PPT1: variants seen among roughly 807,000 people sequenced by gnomAD.
PPT1 encodes ceroid-palmitoyl-palmitoyl-protein thioesterase 1.
Under a neutral mutation model 44.0 loss-of-function variants are expected in PPT1, and 24 were observed. That is an observed-to-expected ratio of 0.54 (90% CI 0.39 to 0.77). The LOEUF (loss-of-function observed/expected upper bound fraction) is 0.77, where lower values mean the gene tolerates loss of function less well. Among genes scored for constraint, PPT1 ranks in the 30% least tolerant of loss-of-function variants. PPT1 has a pLI of 0.00. For missense variants in PPT1, 341 were observed against 378.8 expected, an observed-to-expected ratio of 0.90 and a Z score of 0.83; for synonymous variants, 148 against 140.2, an observed-to-expected ratio of 1.06 and a Z score of -0.39.
At chr1:40,093,234 C>T (rs1221490547) in intron 1 of PPT1, among the ~76,000 whole-genome samples, 1 of 152,018 alleles carries the variant, frequency 6.6e-6, no homozygotes. Context: ...TTGAATGAAC[C>T]TCAGAAACAT....
chr1:40,088,041 A>G (rs929909718), intron 5 of PPT1, among the ~76,000 whole-genome samples: 1 of 152,200 alleles, frequency 6.6e-6, no homozygotes, highest in African/African-American at 2.4e-5. Flanking sequence ...TGTAATAAAA[A>G]GTTGTTATTT....
chr1:40,077,352 A>AG (rs1193330828), intron 7 of PPT1, among the ~76,000 whole-genome samples: 5 of 152,242 alleles, frequency 3.3e-5, no homozygotes. Context: ...GTAACTACTC[A>AG]TTGCTGCCAC....
chr1:40,077,588 C>T (rs930360419), intron 7 of PPT1, among the ~76,000 whole-genome samples: 2 of 152,122 alleles, frequency 1.3e-5, no homozygotes, highest in Non-Finnish European at 2.9e-5. Context: ...AGCACCAAAA[C>T]GGGTAGCAGG....
intron 4 of PPT1, among the ~76,000 whole-genome samples, chr1:40,090,404 A>G (rs1649498902): frequency 6.6e-6 from 1 of 150,714 alleles, no homozygotes; most frequent in Non-Finnish European, 1.5e-5. Flanking sequence ...ATATGTCTAT[A>G]TATGTCTATG....
chr1:40,092,263 C>T (rs981777752), intron 2 of PPT1, 91 bp from the exon 3 acceptor site: 8 of 1,578,952 alleles, frequency 5.1e-6, no homozygotes, highest in Non-Finnish European at 7.0e-6. Context: ...AGGTTGGTAT[C>T]CTCACATGAG....
At chr1:40,093,014 A>G (rs557510403) in intron 1 of PPT1, among the ~76,000 whole-genome samples, 5 of 152,318 alleles carry the variant, frequency 3.3e-5, no homozygotes, top group African/African-American at 1.2e-4. Flanking sequence ...CAGCAATTCA[A>G]CTCCTAGTTA....
At chr1:40,089,340 G>A (rs1012916028) in intron 5 of PPT1, 70 bp downstream of exon 5, 8 of 1,069,398 alleles carry the variant, frequency 7.5e-6, no homozygotes, top group African/African-American at 1.6e-5. Flanking sequence ...GAATCACTGT[G>A]AGCATGAAAG....
chr1:40,094,077 T>C (rs1649719371), intron 1 of PPT1: 4 of 659,358 alleles, frequency 6.1e-6, no homozygotes, highest in Admixed American at 5.0e-5. Flanking sequence ...AATTTACAAA[T>C]GAAAAATAAG....
chr1:40,091,835 A>T (rs190259392), intron 3 of PPT1, among the ~76,000 whole-genome samples: 1 of 151,394 alleles, frequency 6.6e-6, no homozygotes, highest in Non-Finnish European at 1.5e-5. Flanking sequence ...ACTGCACTCC[A>T]GCCTGGGCAA....
At chr1:40,086,662 G>A (rs1038169333) in intron 5 of PPT1, among the ~76,000 whole-genome samples, 1 of 152,172 alleles carries the variant, frequency 6.6e-6, no homozygotes, top group South Asian at 2.1e-4. Context: ...TCGGGACAAA[G>A]AGAGTCTAGC....
intron 5 of PPT1, among the ~76,000 whole-genome samples, chr1:40,081,567 T>A (rs375016459): frequency 1.7e-3 from 11 of 6,472 alleles, no homozygotes; most frequent in African/African-American, 4.2e-3. Context: ...AATAAATAAA[T>A]AGAAAATAAA....
At chr1:40,095,932 C>A (rs66734604) in intron 1 of PPT1, among the ~76,000 whole-genome samples, 8,190 of 152,302 alleles carry the variant, frequency 0.054, 276 homozygotes, top group Non-Finnish European at 0.074. Context: ...ATTAGTCTTA[C>A]TAGGCCCAAT....
At chr1:40,086,431 G>A (rs1159459703) in intron 5 of PPT1, among the ~76,000 whole-genome samples, 2 of 152,224 alleles carry the variant, frequency 1.3e-5, no homozygotes, top group Non-Finnish European at 2.9e-5. Flanking sequence ...TGCGTATTAG[G>A]ATATCACGTT....
intron 6 of PPT1, among the ~76,000 whole-genome samples, chr1:40,080,014 G>A (rs946727093): frequency 6.6e-6 from 1 of 152,056 alleles, no homozygotes; most frequent in Admixed American, 6.6e-5. Context: ...TTTGTGTCTG[G>A]GACATACTCA....
At chr1:40,079,782 C>G (rs543354192) in intron 6 of PPT1, among the ~76,000 whole-genome samples, 123 of 152,340 alleles carry the variant, frequency 8.1e-4, no homozygotes, top group African/African-American at 2.9e-3. Flanking sequence ...CACCACACTC[C>G]ATAGGTGTCC....
intron 5 of PPT1, among the ~76,000 whole-genome samples, chr1:40,083,260 C>A (rs540772415): frequency 2.0e-5 from 3 of 152,118 alleles, no homozygotes; most frequent in Non-Finnish European, 4.4e-5. Context: ...CTAGCTTGGG[C>A]AACATAGCAA....
At chr1:40,076,128 G>T (rs892719261) in intron 8 of PPT1, among the ~76,000 whole-genome samples, 1 of 152,062 alleles carries the variant, frequency 6.6e-6, no homozygotes, top group African/African-American at 2.4e-5. Flanking sequence ...CCTTGTCAGT[G>T]CGTAATTTAG....
At position 40,076,869 on chromosome 1, in the gene PPT1, G is replaced by A; in HGVS notation, c.771C>T (p.Pro257=). The A allele has an allele frequency of 6.2e-7, 1 of 1,614,212 alleles. No homozygotes were observed. The highest frequency in any genetic ancestry group is 8.5e-7 in the Non-Finnish European group (1 of 1,180,018). The change falls in exon 8 of 9, where the codon CCC becomes CCT. Residue 257 remains proline (P), a synonymous_variant. Coordinates refer to ENST00000642050, the MANE Select transcript of PPT1 (RefSeq NM_000310.4). The part of the protein sequence containing the change: ...YRSGQAKETI[P]LQETSLYTQD... ...GTGTGTACAGGGAGGTCTCCTGTAA[G>A]GGAATGGTTTCCTTGGCTTGGCCAC... is the stretch of plus-strand genomic sequence containing the variant.
At chr1:40,091,834 C>T (rs932233194) in intron 3 of PPT1, among the ~76,000 whole-genome samples, 1 of 148,196 alleles carries the variant, frequency 6.7e-6, no homozygotes, top group Non-Finnish European at 1.5e-5. Context: ...CACTGCACTC[C>T]AGCCTGGGCA....
Sources: allele counts gnomAD v4.1 joint callset (sites outside exome capture counted in the v4.1 genomes callset), GRCh38; gene constraint gnomAD v4.1.1; transcripts MANE v1.5; gene names NCBI Gene and HGNC (gene_info 2026-07-23, HGNC 2026-07-21).